Variants in APC observed in about 807,000 individuals in gnomAD.
APC encodes adenomatous polyposis coli protein.
APC carries 72 observed loss-of-function variants against 247.0 expected under a neutral mutation model. That is an observed-to-expected ratio of 0.29 (90% CI 0.24 to 0.35). The LOEUF is 0.35. APC is among the 10% of genes least tolerant of loss of function. The probability of loss-of-function intolerance (pLI) is 1.00; values close to 1 mark genes in which losing one functional copy is unlikely to be tolerated. For synonymous variants in APC, 1,254 were observed against 1,162.5 expected (o/e 1.08, Z -1.60); for missense variants, 3,400 against 3,360.7 (o/e 1.01, Z -0.29).
At chr5:112,822,085 C>A in intron 11 of APC, 94 bp downstream of exon 11, 2 of 894,502 alleles carry the variant, frequency 2.2e-6, no homozygotes, top group Non-Finnish European at 3.5e-6. Context: ...GATTTTTAAT[C>A]ATTGATGAAT....
intron 1 of APC, among the ~76,000 whole-genome samples, chr5:112,711,357 A>G (rs183099472): frequency 1.3e-5 from 2 of 152,326 alleles, no homozygotes; most frequent in East Asian, 3.9e-4. Flanking sequence ...TCCCATGGAA[A>G]AATTGTCTTC....
At position 112,842,116 on chromosome 5, in the gene APC, T is replaced by C. The variant is rs370781162; in HGVS notation, c.6522T>C (p.Ser2174=). ...GPRILKPGEK[S]TLETKKIESE... is the part of the protein sequence containing the mutation. ...GAATTCTAAAACCAGGGGAGAAAAG[T>C]ACATTGGAAACTAAAAAGATAGAAT... The change falls in exon 16 of 16, where the codon AGT becomes AGC. Residue 2174 remains serine (S), a synonymous_variant. Transcript: ENST00000257430. The C allele has an allele frequency of 1.9e-6, 3 of 1,610,842 alleles. No individual in the cohort carries two copies. The highest frequency in any genetic ancestry group is 2.2e-5 in the East Asian group (1 of 44,886).
At chr5:112,769,639 A>G (rs1002980225) in intron 4 of APC, among the ~76,000 whole-genome samples, 1 of 152,146 alleles carries the variant, frequency 6.6e-6, no homozygotes, top group Admixed American at 6.5e-5. Context: ...AAAGCTTCAT[A>G]TTATCTCTGT....
At chr5:112,834,915 C>A in intron 14 of APC, 36 bp from the exon 15 acceptor site, 1 of 1,574,920 alleles carries the variant, frequency 6.3e-7, no homozygotes, top group Non-Finnish European at 8.7e-7. Flanking sequence ...CAAATTCCAA[C>A]TCTAATTAGA....
At chr5:112,760,580 G>A (rs1755537831) in intron 2 of APC, among the ~76,000 whole-genome samples, 1 of 152,174 alleles carries the variant, frequency 6.6e-6, no homozygotes, top group South Asian at 2.1e-4. Context: ...CCATATTCCT[G>A]CAATGTTTAG....
chr5:112,818,374 T>C (rs1360452466), intron 9 of APC, among the ~76,000 whole-genome samples: 1 of 152,204 alleles, frequency 6.6e-6, no homozygotes, highest in African/African-American at 2.4e-5. Context: ...CTACAAATCC[T>C]GGCTCTCACT....
chr5:112,745,490 A>G (rs1379330957), intron 1 of APC, among the ~76,000 whole-genome samples: 1 of 152,024 alleles, frequency 6.6e-6, no homozygotes, highest in African/African-American at 2.4e-5. Context: ...ATTATTAAGG[A>G]TGAAACGAAT....
rs2149843208 is a variant in APC, at chr5:112,835,085, A to G, written c.1878A>G (p.Thr626=). Residue 626 remains threonine (T), a synonymous_variant, in exon 15 of 16, where the codon ACA becomes ACG. Transcript: ENST00000257430. Reference sequence around the variant, plus strand: ...GCACTCTTACTTACCGGAGCCAGACAAACACTTTAGCCATTATTGAAAGTG... The same window carrying G: ...GCACTCTTACTTACCGGAGCCAGACGAACACTTTAGCCATTATTGAAAGTG... ...LVGTLTYRSQ[T]NTLAIIESGG... 1 of 1,614,174 alleles carries G rather than the reference A, an allele frequency of 6.2e-7. No homozygotes were observed. The highest frequency in any genetic ancestry group is 1.7e-4 in the Middle Eastern group (1 of 6,060).
Position 112,746,141 on chromosome 5 carries a change from GAAAT to G in APC, c.-19+8218_-19+8221del, listed in dbSNP as rs1051641839. 4.9e-4 allele frequency among the ~76,000 whole-genome samples: 67 copies of G among 137,608 alleles called. 1 individual carries two copies. The highest frequency in any genetic ancestry group is 3.8e-3 in the Middle Eastern group (1 of 262). The allele number at this position is 137,608 out of a possible 152,430, so 90.3% of individuals were successfully genotyped here. A position where few individuals can be genotyped will look rare whatever the true frequency, so the allele number is the denominator to read the frequency against. ...AATACATTTGAAAAACTAGAGGAAAGAAATAGTTTACTAGTGAACTATTAATGAA... is the reference window on the plus strand; with the variant it reads ...AATACATTTGAAAAACTAGAGGAAAGAGTTTACTAGTGAACTATTAATGAA... On this transcript the variant is annotated intron_variant, in intron 1 of 15. Transcript: ENST00000257430.
At chr5:112,761,389 A>G (rs1465349468) in intron 2 of APC, among the ~76,000 whole-genome samples, 1 of 152,234 alleles carries the variant, frequency 6.6e-6, no homozygotes, top group African/African-American at 2.4e-5. Context: ...GTCTTGAAAA[A>G]AAGAAAAATG....
In APC at chr5:112,842,044, T is replaced by TA; in HGVS notation, c.6451dup (p.Thr2151AsnfsTer3). 6.2e-7 allele frequency: 1 copy of TA among 1,613,418 alleles called. No homozygotes were observed. The highest frequency in any genetic ancestry group is 8.5e-7 in the Non-Finnish European group (1 of 1,179,378). The stretch of plus-strand genomic sequence containing the variant: ...TCTCTCTGGGATCACCATTTCATCT[T>TA]ACACCTGATCAAGAAGAAAAACCCT... On this transcript the variant is annotated frameshift_variant, in exon 16 of 16. Transcript: ENST00000257430. LOFTEE classifies it high-confidence loss of function.
chr5:112,797,093 T>C (rs1760291262), intron 7 of APC, among the ~76,000 whole-genome samples: 1 of 152,158 alleles, frequency 6.6e-6, no homozygotes, highest in African/African-American at 2.4e-5. Flanking sequence ...TTCAAAACTT[T>C]TTATTCATAT....
chr5:112,830,597 A>G (rs1362162798), intron 14 of APC, among the ~76,000 whole-genome samples: 3 of 152,116 alleles, frequency 2.0e-5, no homozygotes, highest in Admixed American at 6.5e-5. Context: ...CTTACACACA[A>G]ACATCCACAA....
At chr5:112,718,064 T>A (rs1228128963) in intron 1 of APC, among the ~76,000 whole-genome samples, 5 of 151,740 alleles carry the variant, frequency 3.3e-5, no homozygotes, top group African/African-American at 1.2e-4. Flanking sequence ...ATTTAGGTTA[T>A]TTTTTAGTAT....
At chr5:112,721,380 C>CTA (rs1291176980) in intron 1 of APC, among the ~76,000 whole-genome samples, 2 of 152,068 alleles carry the variant, frequency 1.3e-5, no homozygotes, top group African/African-American at 4.8e-5. Context: ...CGCCACTACA[C>CTA]TCTAGCCTTG....
At chr5:112,837,527 T>G (rs1765066190) in intron 15 of APC, 26 bp from the exon 16 acceptor site, 1 of 1,575,796 alleles carries the variant, frequency 6.3e-7, no homozygotes, top group Middle Eastern at 1.7e-4. Context: ...TGACCTTAAT[T>G]TTGTGATCTC....
intron 7 of APC, among the ~76,000 whole-genome samples, chr5:112,797,040 T>A (rs1760283105): frequency 6.6e-6 from 1 of 152,148 alleles, no homozygotes; most frequent in African/African-American, 2.4e-5. Flanking sequence ...CCAGTACTGT[T>A]ACAAGTTTCA....
At position 112,839,271 on chromosome 5, in the gene APC, A is replaced by G. The variant is rs786203802; in HGVS notation, c.3677A>G (p.Lys1226Arg). ...ACGTCCACACCTTCATCTAATGCCA[A>G]GAGGCAGAATCAGCTCCATCCAAGT... ...ENTSTPSSNA[K>R]RQNQLHPSSA... The change falls in exon 16 of 16, where the codon AAG becomes AGG. Residue 1226 changes from lysine (K) to arginine (R), a missense_variant. Lys to Arg is a conservative substitution (Grantham distance 26, BLOSUM62 2). Around this residue, in one of 9 missense-constraint regions of APC, gnomAD observed 715 missense variants for 656.6 expected, o/e 1.09. Transcript: ENST00000257430. This position sits in a 1 kb window ranked among gnomAD's most constrained non-coding sequence, Gnocchi z 5.0. 6 of 1,614,174 alleles carry G rather than the reference A, an allele frequency of 3.7e-6. No homozygotes were observed. The highest frequency in any genetic ancestry group is 4.2e-6 in the Non-Finnish European group (5 of 1,180,032).
At chr5:112,831,752 T>C (rs1328847842) in intron 14 of APC, among the ~76,000 whole-genome samples, 1 of 152,206 alleles carries the variant, frequency 6.6e-6, no homozygotes, top group Non-Finnish European at 1.5e-5. Context: ...CTCTACTGGA[T>C]CCTTCTTTTT....
Sources: gnomAD v4.1 joint callset for allele counts (sites outside exome capture counted in the v4.1 genomes callset) on GRCh38, gnomAD v4.1.1 for gene constraint, gnomAD v4.1.1 regional missense constraint, Gnocchi (gnomAD v3.1) non-coding constraint, MANE v1.5 for transcripts, NCBI Gene and HGNC (gene_info 2026-07-23, HGNC 2026-07-21) for gene names.